The following AKAP13 variants were observed in gnomAD, a reference collection of about 807,000 sequenced individuals.
AKAP13 encodes A-kinase anchoring protein 13.
A neutral mutation model predicts 264.5 loss-of-function variants in AKAP13; 80 were observed. The ratio of observed to expected loss-of-function variants is 0.30; its 90% confidence interval spans 0.25 to 0.36. The LOEUF (loss-of-function observed/expected upper bound fraction) is 0.36, where lower values mean the gene tolerates loss of function less well. Ranked by LOEUF, AKAP13 falls within the 10% of genes least tolerant of loss-of-function variation. AKAP13 has a pLI of 1.00. For synonymous variants in AKAP13, 1,380 were observed against 1,250.2 expected (o/e 1.10, Z -2.19); for missense variants, 3,712 against 3,435.2 (o/e 1.08, Z -2.01).
intron 1 of AKAP13, among the ~76,000 whole-genome samples, chr15:85,392,078 C>T (rs908034212): frequency 2.6e-5 from 4 of 151,778 alleles, no homozygotes; most frequent in African/African-American, 7.2e-5. Context: ...TCACCATGCC[C>T]GGCTCTATTC....
At chr15:85,584,886 A>G (rs1282536240) in intron 7 of AKAP13, among the ~76,000 whole-genome samples, 4 of 152,202 alleles carry the variant, frequency 2.6e-5, no homozygotes, top group African/African-American at 9.7e-5. Flanking sequence ...TTGGATTATT[A>G]AGGTGAATTT....
chr15:85,620,506 AC>A (rs918465859), intron 8 of AKAP13, among the ~76,000 whole-genome samples: 1 of 151,544 alleles, frequency 6.6e-6, no homozygotes, highest in Non-Finnish European at 1.5e-5. Context: ...TGTCTCTGTC[AC>A]CCCTCCGCCC....
chr15:85,409,934 T>TG (rs1165729965), intron 1 of AKAP13, among the ~76,000 whole-genome samples: 1 of 151,734 alleles, frequency 6.6e-6, no homozygotes, highest in Non-Finnish European at 1.5e-5. Flanking sequence ...CCTGGCCTGA[T>TG]GCAGCTAGTA....
chr15:85,619,590 A>T, intron 8 of AKAP13: 6 of 985,472 alleles, frequency 6.1e-6, no homozygotes, highest in Non-Finnish European at 7.2e-6. Context: ...GACTTTTTTC[A>T]TGCCATCGCT....
intron 8 of AKAP13, among the ~76,000 whole-genome samples, chr15:85,616,432 T>C (rs1339356970): frequency 6.6e-6 from 1 of 152,216 alleles, no homozygotes; most frequent in Non-Finnish European, 1.5e-5. Context: ...TCTTTAATAA[T>C]TGCATGTTGG....
intron 14 of AKAP13, among the ~76,000 whole-genome samples, chr15:85,679,951 C>T (rs2084493597): frequency 6.6e-6 from 1 of 152,056 alleles, no homozygotes; most frequent in Non-Finnish European, 1.5e-5. Flanking sequence ...TGTTCAGAAC[C>T]ACATCTAAAA....
chr15:85,580,486 C>T lies in AKAP13; in HGVS notation c.2418C>T (p.Pro806=). 4.3e-6 allele frequency: 7 copies of T among 1,614,216 alleles called. No individual in the cohort carries two copies. Among genetic ancestry groups the T allele is most frequent in the East Asian group, 2.2e-5 (1 of 44,890 alleles). ...AGGATGACGCACTTTCTTTTGTCCCCTCCCAGAAAGAAAAGGGAACAGCAA... is the reference window on the plus strand; with the variant it reads ...AGGATGACGCACTTTCTTTTGTCCCTTCCCAGAAAGAAAAGGGAACAGCAA... ...VTKDDALSFV[P]SQKEKGTATP... The change falls in exon 7 of 37, where the codon CCC becomes CCT. Residue 806 remains proline (P), a synonymous_variant. Coordinates refer to ENST00000394518, the MANE Select transcript of AKAP13 (RefSeq NM_007200.5).
intron 5 of AKAP13, among the ~76,000 whole-genome samples, chr15:85,561,118 C>A (rs575687322): frequency 2.0e-5 from 3 of 148,362 alleles, no homozygotes; most frequent in African/African-American, 7.5e-5. Flanking sequence ...AGTGCAACGG[C>A]GCAATCTCGG....
intron 1 of AKAP13, among the ~76,000 whole-genome samples, chr15:85,438,051 T>C (rs1257304499): frequency 4.8e-5 from 7 of 144,666 alleles, no homozygotes; most frequent in Admixed American, 1.4e-4. Flanking sequence ...ATGACATGAT[T>C]GTATATCTAG....
At chr15:85,732,842 TGTTA>T (rs1226466796) in intron 30 of AKAP13, among the ~76,000 whole-genome samples, 1 of 151,408 alleles carries the variant, frequency 6.6e-6, no homozygotes, top group Non-Finnish European at 1.5e-5. Flanking sequence ...TTGCTAATAC[TGTTA>T]GTAATACTAA....
chr15:85,664,258 T>A (rs770904919), intron 12 of AKAP13, among the ~76,000 whole-genome samples: 1 of 152,164 alleles, frequency 6.6e-6, no homozygotes, highest in Non-Finnish European at 1.5e-5. Context: ...ATATAAAATA[T>A]CAGATAACTA....
intron 8 of AKAP13, among the ~76,000 whole-genome samples, chr15:85,607,700 T>TA (rs34874462): frequency 0.6 from 91,972 of 152,074 alleles, 28,031 homozygotes; most frequent in Middle Eastern, 0.71. Flanking sequence ...CTCCACTCTT[T>TA]AAACATATTT....
chr15:85,486,352 A>G (rs755788888), intron 2 of AKAP13, among the ~76,000 whole-genome samples: 8 of 152,060 alleles, frequency 5.3e-5, no homozygotes, highest in Non-Finnish European at 8.8e-5. Flanking sequence ...ATTTATTCCT[A>G]TGTTTTCATC....
intron 8 of AKAP13, among the ~76,000 whole-genome samples, chr15:85,610,250 C>A (rs1192457498): frequency 1.3e-5 from 2 of 152,108 alleles, no homozygotes; most frequent in African/African-American, 4.8e-5. Context: ...GAAGTTTGTT[C>A]TTATTTCCAT....
At chr15:85,712,179 C>T (rs1001593450) in intron 19 of AKAP13, among the ~76,000 whole-genome samples, 6 of 152,100 alleles carry the variant, frequency 3.9e-5, no homozygotes, top group African/African-American at 1.2e-4. Flanking sequence ...GATGCCCACT[C>T]AAGCTTGAAA....
At chr15:85,456,340 A>G (rs970201809) in intron 1 of AKAP13, among the ~76,000 whole-genome samples, 2 of 152,244 alleles carry the variant, frequency 1.3e-5, no homozygotes, top group African/African-American at 4.8e-5. Flanking sequence ...GGTGTTAGAA[A>G]TGAAAATCAA....
At chr15:85,399,535 A>ATAAAT (rs2071316972) in intron 1 of AKAP13, among the ~76,000 whole-genome samples, 5 of 105,596 alleles carry the variant, frequency 4.7e-5, no homozygotes, top group African/African-American at 2.0e-4. Flanking sequence ...AAAAAATAAA[A>ATAAAT]AAATAAATAA....
chr15:85,398,157 G>T (rs1031634923), intron 1 of AKAP13, among the ~76,000 whole-genome samples: 8 of 152,052 alleles, frequency 5.3e-5, no homozygotes, highest in Non-Finnish European at 1.5e-5. Context: ...GATGTGAAAG[G>T]GACATCATTG....
At chr15:85,674,876 ATTC>A (rs2084137189) in intron 14 of AKAP13, among the ~76,000 whole-genome samples, 1 of 152,060 alleles carries the variant, frequency 6.6e-6, no homozygotes, top group African/African-American at 2.4e-5. Flanking sequence ...ATATATATAT[ATTC>A]TTAGCACAGT....
Sources: gnomAD v4.1 joint callset for allele counts (sites outside exome capture counted in the v4.1 genomes callset) on GRCh38, gnomAD v4.1.1 for gene constraint, MANE v1.5 for transcripts, NCBI Gene and HGNC (gene_info 2026-07-23, HGNC 2026-07-21) for gene names.